DCC: variants seen among roughly 807,000 people sequenced by gnomAD.
The protein encoded by DCC is DCC netrin 1 receptor.
Under a neutral mutation model 172.5 loss-of-function variants are expected in DCC, and 58 were observed. The ratio of observed to expected loss-of-function variants is 0.34; its 90% CI spans 0.27 to 0.42. DCC has a LOEUF of 0.42. Among genes scored for constraint, DCC ranks in the 10% least tolerant of loss-of-function variants. The pLI, the probability that DCC is intolerant of heterozygous loss-of-function variation, is 1.00. For synonymous variants in DCC, 709 were observed against 644.5 expected, an observed-to-expected ratio of 1.10 and a Z score of -1.52; for missense variants, 1,740 against 1,791.0, an observed-to-expected ratio of 0.97 and a Z score of 0.51.
intron 1 of DCC, among the ~76,000 whole-genome samples, chr18:52,702,158 C>A (rs1014642836): frequency 1.2e-4 from 18 of 152,066 alleles, no homozygotes; most frequent in Admixed American, 1.2e-3. Flanking sequence ...ATGTTTCTTT[C>A]TGCGAAACTG....
intron 1 of DCC, among the ~76,000 whole-genome samples, chr18:52,456,033 C>T (rs1988447184): frequency 6.6e-6 from 1 of 152,158 alleles, no homozygotes; most frequent in Admixed American, 6.5e-5. Flanking sequence ...TTTGCTGGTG[C>T]TCTAAGCCAG....
chr18:52,957,975 A>G (rs1307719336), intron 5 of DCC, among the ~76,000 whole-genome samples: 1 of 152,146 alleles, frequency 6.6e-6, no homozygotes, highest in Non-Finnish European at 1.5e-5. Context: ...GCAATGTTAG[A>G]AGCTGGAACA....
At chr18:52,343,620 T>C (rs1489491719) in intron 1 of DCC, among the ~76,000 whole-genome samples, 2 of 152,210 alleles carry the variant, frequency 1.3e-5, no homozygotes, top group African/African-American at 4.8e-5. Flanking sequence ...AGGAACCTTA[T>C]AGAGTCTCAG....
At chr18:53,231,532 A>T (rs1447619388) in intron 12 of DCC, among the ~76,000 whole-genome samples, 2 of 152,122 alleles carry the variant, frequency 1.3e-5, no homozygotes, top group Non-Finnish European at 2.9e-5. Flanking sequence ...TTTGCAGAAG[A>T]TTGTGACCAA....
intron 1 of DCC, among the ~76,000 whole-genome samples, chr18:52,606,850 A>C (rs1487800280): frequency 2.6e-5 from 4 of 152,228 alleles, no homozygotes; most frequent in African/African-American, 9.6e-5. Context: ...ATGTTTGAAA[A>C]ACAAAGTTAT....
At chr18:52,895,625 T>C (rs1270777523) in intron 2 of DCC, among the ~76,000 whole-genome samples, 2 of 152,246 alleles carry the variant, frequency 1.3e-5, no homozygotes, top group African/African-American at 4.8e-5. Flanking sequence ...TATAATGTTA[T>C]GTACAGTGGA....
chr18:53,330,102 T>C (rs150995154), intron 14 of DCC, among the ~76,000 whole-genome samples: 81 of 152,312 alleles, frequency 5.3e-4, no homozygotes, highest in African/African-American at 1.7e-3. Flanking sequence ...TCACATCTTA[T>C]ATAATTCAAA....
At chr18:52,637,273 C>CA (rs1317380450) in intron 1 of DCC, among the ~76,000 whole-genome samples, 2 of 152,004 alleles carry the variant, frequency 1.3e-5, no homozygotes. Context: ...TCTACACCAC[C>CA]AAAAAATCAC....
At chr18:52,892,955 GCTT>G (rs1338292246) in intron 2 of DCC, among the ~76,000 whole-genome samples, 1 of 151,880 alleles carries the variant, frequency 6.6e-6, no homozygotes, top group African/African-American at 2.4e-5. Flanking sequence ...GGGATTTCTG[GCTT>G]CTTATTTTAC....
intron 1 of DCC, among the ~76,000 whole-genome samples, chr18:52,469,952 T>C (rs1988899463): frequency 6.6e-6 from 1 of 152,198 alleles, no homozygotes; most frequent in Non-Finnish European, 1.5e-5. Flanking sequence ...GATCATATTC[T>C]TTGGACAGAT....
chr18:53,246,884 G>A (rs751145030), intron 12 of DCC, among the ~76,000 whole-genome samples: 8 of 152,138 alleles, frequency 5.3e-5, no homozygotes, highest in African/African-American at 1.4e-4. Flanking sequence ...ATGGAAATAA[G>A]TCCAAGCTAG....
At chr18:52,732,487 T>G (rs2036658638) in intron 1 of DCC, among the ~76,000 whole-genome samples, 2 of 152,190 alleles carry the variant, frequency 1.3e-5, no homozygotes, top group African/African-American at 2.4e-5. Flanking sequence ...TTTCTGATGA[T>G]TACCTTAGAG....
At chr18:53,473,204 C>G (rs763514270) in intron 25 of DCC, among the ~76,000 whole-genome samples, 2 of 152,152 alleles carry the variant, frequency 1.3e-5, no homozygotes, top group Non-Finnish European at 2.9e-5. Context: ...CACAATACTG[C>G]CTTATATGCT....
chr18:52,415,018 A>G (rs1302571855), intron 1 of DCC, among the ~76,000 whole-genome samples: 1 of 152,214 alleles, frequency 6.6e-6, no homozygotes, highest in African/African-American at 2.4e-5. Flanking sequence ...CTGTGCGTCT[A>G]CATTCTACAT....
At chr18:52,818,753 CA>C (rs2038350187) in intron 2 of DCC, among the ~76,000 whole-genome samples, 1 of 152,142 alleles carries the variant, frequency 6.6e-6, no homozygotes, top group Non-Finnish European at 1.5e-5. Context: ...TCAAAACATT[CA>C]GGGAATAACA....
chr18:53,247,121 A>G (rs2056374450), intron 12 of DCC, among the ~76,000 whole-genome samples: 1 of 152,058 alleles, frequency 6.6e-6, no homozygotes, highest in Non-Finnish European at 1.5e-5. Context: ...CCATGAAACT[A>G]TACACACAGT....
chr18:53,005,886 C>T (rs1346755772), intron 5 of DCC, among the ~76,000 whole-genome samples: 1 of 152,232 alleles, frequency 6.6e-6, no homozygotes, highest in East Asian at 1.9e-4. Context: ...GGTCTTCCCT[C>T]ATTAACAAAG....
chr18:52,435,493 C>T (rs1045103083), intron 1 of DCC, among the ~76,000 whole-genome samples: 2 of 152,162 alleles, frequency 1.3e-5, no homozygotes, highest in Non-Finnish European at 2.9e-5. Context: ...CACGCTAATG[C>T]TCTCTAATCC....
At chr18:52,386,819 A>G (rs946956413) in intron 1 of DCC, among the ~76,000 whole-genome samples, 1 of 152,126 alleles carries the variant, frequency 6.6e-6, no homozygotes, top group Non-Finnish European at 1.5e-5. Context: ...TACACATTAC[A>G]CAACATGTAT....
Sources: gnomAD v4.1 joint callset for allele counts (sites outside exome capture counted in the v4.1 genomes callset) on GRCh38, gnomAD v4.1.1 for gene constraint, MANE v1.5 for transcripts, NCBI Gene and HGNC (gene_info 2026-07-23, HGNC 2026-07-21) for gene names.